The following DHX36 variants were observed in gnomAD, a reference collection of about 807,000 sequenced individuals.
DHX36 encodes DEAH-box helicase 36, also known as ATP-dependent DNA/RNA helicase DHX36.
In DHX36, 50 loss-of-function variants were observed where a neutral mutation model predicts 139.0. That is an observed-to-expected ratio of 0.36 (90% CI 0.29 to 0.46). The LOEUF (loss-of-function observed/expected upper bound fraction) is 0.46. DHX36 is among the 20% of genes least tolerant of loss of function. The probability of loss-of-function intolerance (pLI) is 1.00; values close to 1 mark genes in which losing one functional copy is unlikely to be tolerated. For missense variants in DHX36, 1,024 were observed against 1,211.3 expected (o/e 0.85, Z 2.29); for synonymous variants, 425 against 401.9 (o/e 1.06, Z -0.69).
chr3:154,314,349 C>T (rs940800021), intron 3 of DHX36, among the ~76,000 whole-genome samples: 1 of 152,294 alleles, frequency 6.6e-6, no homozygotes, highest in East Asian at 1.9e-4. Context: ...GCCAAGGGAT[C>T]CTTTCTTTCC....
chr3:154,312,732 C>T (rs1398667794), intron 3 of DHX36, among the ~76,000 whole-genome samples: 4 of 150,188 alleles, frequency 2.7e-5, no homozygotes, highest in African/African-American at 9.8e-5. Context: ...GTCCCAGCTA[C>T]TTGGGAGGTT....
chr3:154,286,225 T>C (rs571611410), intron 17 of DHX36, among the ~76,000 whole-genome samples: 128 of 147,154 alleles, frequency 8.7e-4, no homozygotes, highest in African/African-American at 3.0e-3. Flanking sequence ...AATGATTTGC[T>C]GATAGCTTCT....
At chr3:154,289,871 T>C in intron 15 of DHX36, 45 bp from the exon 16 acceptor site, 1 of 1,257,844 alleles carries the variant, frequency 8.0e-7, no homozygotes, top group Non-Finnish European at 1.1e-6. Flanking sequence ...GGGACAGTCA[T>C]CAATGACTTT....
Position 154,301,079 on chromosome 3 carries a change from G to A in DHX36, c.1266C>T (p.Phe422=), listed in dbSNP as rs561397094. 2.5e-6 allele frequency: 4 copies of A among 1,612,250 alleles called. No homozygotes were observed. The highest frequency in any genetic ancestry group is 1.7e-5 in the Admixed American group (1 of 59,590). Residue 422 remains phenylalanine, a synonymous_variant, in exon 10 of 25, where the codon TTC becomes TTT. Coordinates refer to ENST00000496811, the MANE Select transcript of DHX36 (RefSeq NM_020865.3). The stretch of plus-strand genomic sequence containing the variant: ...CTTGTCTATTTACATGCCCTTGCAT[G>A]AAACCCCTCTTAAACTGGGATCTGT... The part of the protein sequence containing the change: ...KEHRSQFKRG[F]MQGHVNRQEK...
intron 14 of DHX36, among the ~76,000 whole-genome samples, chr3:154,293,529 C>G (rs1053346876): frequency 1.3e-5 from 2 of 152,120 alleles, no homozygotes; most frequent in Non-Finnish European, 2.9e-5. Context: ...CTGCAGTGAG[C>G]CATGATCGTG....
intron 17 of DHX36, 124 bp from the exon 18 acceptor site, chr3:154,285,111 T>A (rs1265861140): frequency 1.1e-5 from 11 of 985,458 alleles, no homozygotes; most frequent in Non-Finnish European, 1.6e-5. Flanking sequence ...TGCCCAAATA[T>A]TGTTCAGCTT....
chr3:154,279,986 C>G (rs1559944042), intron 22 of DHX36: 1 of 152,126 alleles, frequency 6.6e-6, no homozygotes, highest in African/African-American at 2.4e-5. Context: ...TGCACTGGGT[C>G]ACTGACTATT....
At chr3:154,277,739 C>A (rs1057215057) in intron 22 of DHX36, 21 bp from the exon 23 acceptor site, 2 of 1,579,772 alleles carry the variant, frequency 1.3e-6, no homozygotes, top group Admixed American at 1.7e-5. Context: ...AGTTAAAATG[C>A]AGTTTGTTAA....
intron 22 of DHX36, chr3:154,278,766 C>T (rs968458282): frequency 1.3e-5 from 2 of 152,180 alleles, no homozygotes; most frequent in African/African-American, 4.8e-5. Flanking sequence ...AGGTGTGAGC[C>T]ACCACACCCG....
intron 1 of DHX36, chr3:154,318,986 A>T (rs1713091035): frequency 1.3e-5 from 2 of 152,166 alleles, no homozygotes; most frequent in Non-Finnish European, 2.9e-5. Flanking sequence ...TAGCCCTTGA[A>T]AATGTAATTT....
chr3:154,292,529 T>C (rs758129773), intron 15 of DHX36, 22 bp downstream of exon 15: 4 of 1,613,854 alleles, frequency 2.5e-6, no homozygotes, highest in East Asian at 2.2e-5. Context: ...TCTAAAAGCT[T>C]TGGACAGAGT....
chr3:154,304,561 AATG>A (rs1712427745), intron 8 of DHX36, among the ~76,000 whole-genome samples: 1 of 152,182 alleles, frequency 6.6e-6, no homozygotes, highest in Admixed American at 6.5e-5. Flanking sequence ...GTTTGACTTC[AATG>A]ATGCCATCTT....
At chr3:154,297,663 T>C (rs1301341168) in intron 12 of DHX36, among the ~76,000 whole-genome samples, 2 of 150,722 alleles carry the variant, frequency 1.3e-5, no homozygotes, top group African/African-American at 4.9e-5. Flanking sequence ...TGAGCTGAGA[T>C]CGTGCCACTG....
chr3:154,306,260 A>G lies in DHX36; in HGVS notation c.849T>C (p.Ser283=), dbSNP rs1318198097. The G allele has an allele frequency of 8.7e-6, 14 of 1,613,710 alleles. No individual in the cohort carries two copies. The highest frequency in any genetic ancestry group is 2.7e-5 in the African/African-American group (2 of 74,936). The change falls in exon 6 of 25, where the codon TCT becomes TCC. Residue 283 remains serine (S), a synonymous_variant. Coordinates refer to ENST00000496811, the MANE Select transcript of DHX36 (RefSeq NM_020865.3). ...ATCCAGTACTATTACCACTGCCACA[A>G]GATTCTGCCCTTTCTGCAGCTACTC... ...AERVAAERAE[S]CGSGNSTGYQ...
chr3:154,293,780 T>C lies in DHX36; in HGVS notation c.1638A>G (p.Lys546=), dbSNP rs777054132. 6.2e-6 allele frequency: 10 copies of C among 1,613,346 alleles called. No individual in the cohort carries two copies. Among genetic ancestry groups the C allele is most frequent in the Non-Finnish European group, 8.5e-6 (10 of 1,179,508 alleles). The change falls in exon 14 of 25, where the codon AAA becomes AAG. Residue 546 remains lysine (K), a synonymous_variant. Transcript: ENST00000496811. The part of the protein sequence containing the change: ...VFKRTPPGVR[K]IVIATNIAET... ...CCGCAATGTTGGTAGCAATTACTAT[T>C]TTCCGAACACCAGGAGGGGTTCTTT... is the stretch of plus-strand genomic sequence containing the variant.
intron 20 of DHX36, among the ~76,000 whole-genome samples, chr3:154,282,909 A>C (rs1263873462): frequency 6.6e-6 from 1 of 152,172 alleles, no homozygotes; most frequent in African/African-American, 2.4e-5. Context: ...GTTAGCAAAA[A>C]TTCTCAGTTT....
chr3:154,280,497 A>G (rs1395276553), intron 22 of DHX36, 82 bp downstream of exon 22: 1 of 980,208 alleles, frequency 1.0e-6, no homozygotes, highest in Non-Finnish European at 1.6e-6. Context: ...ACAAATTTAT[A>G]ATATAAGCCT....
chr3:154,315,238 C>T lies in DHX36; in HGVS notation c.411G>A (p.Glu137=), dbSNP rs778277968. 2 of 1,612,838 alleles carry T rather than the reference C, an allele frequency of 1.2e-6. No individual in the cohort carries two copies. The highest frequency in any genetic ancestry group is 4.5e-5 in the East Asian group (2 of 44,778). ...TCTTTTCCTGGATGTCAAGTTTGTT[C>T]TCTGAGCATGGTGTGTTCTTAGTAG... ...EVSTKNTPCS[E]NKLDIQEKKL... is the part of the protein sequence containing the mutation. The change falls in exon 3 of 25, where the codon GAG becomes GAA. Residue 137 remains glutamate, a synonymous_variant. Transcript: ENST00000496811.
chr3:154,297,554 T>C (rs1195883510), intron 12 of DHX36, among the ~76,000 whole-genome samples: 1 of 151,870 alleles, frequency 6.6e-6, no homozygotes, highest in Non-Finnish European at 1.5e-5. Context: ...CTACTAAAAA[T>C]ACAAAAATTA....
Sources: gnomAD v4.1 joint callset for allele counts (sites outside exome capture counted in the v4.1 genomes callset) on GRCh38, gnomAD v4.1.1 for gene constraint, MANE v1.5 for transcripts, NCBI Gene and HGNC (gene_info 2026-07-23, HGNC 2026-07-21) for gene names.